The following CPAMD8 variants were observed in gnomAD, a reference collection of about 807,000 sequenced individuals.
CPAMD8 encodes C3 and PZP-like alpha-2-macroglobulin domain-containing protein 8.
A neutral mutation model predicts 224.7 loss-of-function variants in CPAMD8; 146 were observed. The ratio of observed to expected loss-of-function variants is 0.65; its 90% CI spans 0.57 to 0.75. The LOEUF is 0.75. Ranked by LOEUF, CPAMD8 falls within the 30% of genes least tolerant of loss-of-function variation. The probability of loss-of-function intolerance (pLI) is 0.00; values close to 1 mark genes in which losing one functional copy is unlikely to be tolerated. For missense variants in CPAMD8, 2,301 were observed against 2,537.5 expected, an observed-to-expected ratio of 0.91 and a Z score of 2.00; for synonymous variants, 966 against 1,044.6, an observed-to-expected ratio of 0.92 and a Z score of 1.45.
chr19:17,000,561 A>C (rs776494518), intron 9 of CPAMD8, 39 bp from the exon 10 acceptor site: 1 of 929,490 alleles, frequency 1.1e-6, no homozygotes, highest in Non-Finnish European at 1.8e-6. Context: ...TTTCACAGCC[A>C]AGATGGCAGG....
Position 17,011,482 on chromosome 19 carries a change from C to T in CPAMD8, c.468G>A (p.Leu156=), listed in dbSNP as rs1467188570. The T allele has an allele frequency of 6.2e-7, 1 of 1,614,092 alleles. No individual in the cohort carries two copies. Among genetic ancestry groups the T allele is most frequent in the African/African-American group, 1.3e-5 (1 of 74,932 alleles). ...LISIFTVSPN[L]RPVNEKLEAY... ...ATCTCACCTTCTCGTTGACAGGCCT[C>T]AGATTTGGAGAGACGGTGAAGATGC... The change falls in exon 5 of 42, where the codon CTG becomes CTA. Residue 156 remains leucine (L), a synonymous_variant. Coordinates refer to ENST00000443236, the MANE Select transcript of CPAMD8 (RefSeq NM_015692.5).
chr19:16,975,383 G>A (rs2055226475), intron 16 of CPAMD8, 125 bp from the exon 17 acceptor site: 4 of 727,866 alleles, frequency 5.5e-6, no homozygotes, highest in Non-Finnish European at 7.0e-6. Flanking sequence ...TCCAGGAGAT[G>A]GGCACTGGTA....
At chr19:16,997,081 C>T (rs749237941) in intron 11 of CPAMD8, 30 bp downstream of exon 11, 54 of 1,419,996 alleles carry the variant, frequency 3.8e-5, no homozygotes, top group Admixed American at 6.7e-5. Context: ...GGTCCTTGGG[C>T]GGGAGGCAGC....
intron 12 of CPAMD8, among the ~76,000 whole-genome samples, chr19:16,991,716 G>GC (rs1401291358): frequency 1.3e-5 from 2 of 151,944 alleles, no homozygotes; most frequent in Non-Finnish European, 2.9e-5. Flanking sequence ...TTAGCTGGGC[G>GC]TGGTGGGGGG....
Position 16,898,159 on chromosome 19 carries a change from T to C in CPAMD8, c.4849-165A>G, listed in dbSNP as rs75549395. 9 of 581,688 alleles carry C rather than the reference T, an allele frequency of 1.5e-5. No homozygotes were observed. Among genetic ancestry groups the C allele is most frequent in the South Asian group, 8.4e-5 (4 of 47,416 alleles). The allele number at this position is 581,688 out of a possible 1,614,324, so 36.0% of individuals were successfully genotyped here. A position where few individuals can be genotyped will look rare whatever the true frequency, so the allele number is the denominator to read the frequency against. On this transcript the variant is annotated intron_variant, in intron 37 of 41. Coordinates refer to ENST00000443236, the MANE Select transcript of CPAMD8 (RefSeq NM_015692.5). The surrounding 1 kb of genome is among the most constrained non-coding windows in gnomAD (Gnocchi z 4.2). ...TTTTACTTTTCTTTTTTTTTTTTTT[T>C]CCTGAGACAGAGTCTCGCGCTGTTG... is the stretch of plus-strand genomic sequence containing the variant.
intron 19 of CPAMD8, among the ~76,000 whole-genome samples, chr19:16,956,999 A>T (rs1279021910): frequency 6.6e-6 from 1 of 152,196 alleles, no homozygotes; most frequent in African/African-American, 2.4e-5. Flanking sequence ...TTTTTTAACA[A>T]TAAAAAAAGC....
At chr19:16,982,118 C>A (rs138250289) in intron 13 of CPAMD8, among the ~76,000 whole-genome samples, 1 of 151,946 alleles carries the variant, frequency 6.6e-6, no homozygotes, top group South Asian at 2.1e-4. Flanking sequence ...TTTGGCCAGG[C>A]GCAGTGGCTC....
At chr19:17,006,215 G>A (rs886313285) in intron 7 of CPAMD8, among the ~76,000 whole-genome samples, 2 of 152,152 alleles carry the variant, frequency 1.3e-5, no homozygotes, top group African/African-American at 4.8e-5. Context: ...GCCCGCCTCA[G>A]CCTCCCAAAG....
chr19:16,976,252 G>A (rs2055266992), intron 15 of CPAMD8, 101 bp from the exon 16 acceptor site: 1 of 894,102 alleles, frequency 1.1e-6, no homozygotes, highest in African/African-American at 1.7e-5. Context: ...GAGGCGGGTG[G>A]ATCACCTGAG....
At chr19:16,932,729 G>A (rs1404100419) in intron 23 of CPAMD8, among the ~76,000 whole-genome samples, 2 of 152,062 alleles carry the variant, frequency 1.3e-5, no homozygotes, top group Admixed American at 6.6e-5. Flanking sequence ...TCAAAATTTT[G>A]GTGTCCCAGA....
At chr19:16,895,842 C>T (rs1156388556) in intron 41 of CPAMD8, 1 of 499,088 alleles carries the variant, frequency 2.0e-6, no homozygotes, top group East Asian at 5.2e-5. Context: ...CGAAACACTG[C>T]TGGTCCCCCC....
chr19:16,947,240 G>T lies in CPAMD8; in HGVS notation c.2509-13C>A. The T allele has an allele frequency of 1.2e-6, 2 of 1,604,028 alleles. No homozygotes were observed. The highest frequency in any genetic ancestry group is 1.7e-6 in the Non-Finnish European group (2 of 1,174,376). On this transcript the variant is annotated splice_polypyrimidine_tract_variant and intron_variant, in intron 20 of 41. Transcript: ENST00000443236. ...GCTTCATGTACACCTGCAGAGGGTGGCATTGGCTCATGGCGCCTGGAATCC... is the reference window on the plus strand; with the variant it reads ...GCTTCATGTACACCTGCAGAGGGTGTCATTGGCTCATGGCGCCTGGAATCC...
intron 30 of CPAMD8, among the ~76,000 whole-genome samples, chr19:16,906,426 C>T (rs1911631430): frequency 1.4e-5 from 2 of 139,936 alleles, no homozygotes; most frequent in South Asian, 4.6e-4. Flanking sequence ...TTCCTTCCTT[C>T]CTTCCTTCCT....
intron 1 of CPAMD8, among the ~76,000 whole-genome samples, chr19:17,025,623 C>T (rs2057060555): frequency 6.6e-6 from 1 of 152,172 alleles, no homozygotes; most frequent in Admixed American, 6.5e-5. Flanking sequence ...CTATTTGTGA[C>T]AACCAAAAAT....
At chr19:16,963,461 G>A (rs1445145942) in intron 18 of CPAMD8, among the ~76,000 whole-genome samples, 1 of 152,154 alleles carries the variant, frequency 6.6e-6, no homozygotes, top group Non-Finnish European at 1.5e-5. Context: ...ATTACATAAT[G>A]GTAAAGGAAT....
intron 30 of CPAMD8, among the ~76,000 whole-genome samples, chr19:16,906,350 C>CT (rs1192189186): frequency 3.6e-5 from 1 of 27,432 alleles, no homozygotes; most frequent in Admixed American, 4.5e-4. Context: ...TTCTTTCTTT[C>CT]TTTCTTTCTT....
chr19:17,011,674 G>T lies in CPAMD8; in HGVS notation c.351C>A (p.Asn117Lys). The T allele has an allele frequency of 6.2e-7, 1 of 1,614,022 alleles. No homozygotes were observed. The highest frequency in any genetic ancestry group is 8.5e-7 in the Non-Finnish European group (1 of 1,179,992). The change falls in exon 4 of 42, where the codon AAC becomes AAA. Residue 117 changes from asparagine to lysine, a missense_variant. By Grantham distance (94) the Asn-to-Lys change is moderately conservative. Coordinates refer to ENST00000443236, the MANE Select transcript of CPAMD8 (RefSeq NM_015692.5). ...WQAEEGPLFH[N>K]QTSVTVDGRG... ...GGCCGTCCACGGTCACCGAGGTCTG[G>T]TTGTGAAAGAGGGGCCCCTCCTCCG...
chr19:17,015,079 T>C (rs1011731751), intron 3 of CPAMD8, among the ~76,000 whole-genome samples: 8 of 152,214 alleles, frequency 5.3e-5, no homozygotes, highest in African/African-American at 1.9e-4. Context: ...CCGTCTCTAC[T>C]GAAAATACAA....
chr19:16,895,286 C>T (rs2051916897), intron 41 of CPAMD8: 1 of 152,194 alleles, frequency 6.6e-6, no homozygotes, highest in South Asian at 2.1e-4. Flanking sequence ...GGTGGCGGGC[C>T]CCTGTAATCC....
Sources: allele counts gnomAD v4.1 joint callset (sites outside exome capture counted in the v4.1 genomes callset), GRCh38; gene constraint gnomAD v4.1.1; non-coding constraint Gnocchi (gnomAD v3.1); transcripts MANE v1.5; gene names NCBI Gene and HGNC (gene_info 2026-07-23, HGNC 2026-07-21).